ATP2B2: variants seen among roughly 807,000 people sequenced by gnomAD.
ATP2B2 encodes the protein plasma membrane calcium-transporting ATPase 2.
ATP2B2 carries 15 observed loss-of-function variants against 120.0 expected under a neutral mutation model. That is an observed-to-expected ratio of 0.12 (90% CI 0.08 to 0.19). The LOEUF (loss-of-function observed/expected upper bound fraction) is 0.19. Ranked by LOEUF, ATP2B2 falls within the 10% of genes least tolerant of loss-of-function variation. ATP2B2 has a pLI of 1.00. For synonymous variants in ATP2B2, 694 were observed against 700.3 expected, an observed-to-expected ratio of 0.99 and a Z score of 0.14; for missense variants, 1,045 against 1,719.8, an observed-to-expected ratio of 0.61 and a Z score of 6.94.
chr3:10,589,765 A>G (rs1360624147), intron 2 of ATP2B2, among the ~76,000 whole-genome samples: 3 of 152,200 alleles, frequency 2.0e-5, no homozygotes, highest in Non-Finnish European at 4.4e-5. Context: ...AGAACGAATA[A>G]ACACTGCCAA....
rs754211616 is a variant in ATP2B2 at position 10,388,304 on chromosome 3, C to T, written c.880G>A (p.Glu294Lys). ...IIFTLLGAGG[E>K]EEEKKDKKGV... The stretch of plus-strand genomic sequence containing the variant: ...TTTTTGTCTTTCTTCTCTTCCTCTT[C>T]ACCACCAGCCCCCAGGAGGGTAAAG... Residue 294 changes from glutamate (E) to lysine (K), a missense_variant, in exon 6 of 23, where the codon GAA (glutamate) becomes AAA (lysine). Physicochemically the swap from Glu to Lys is moderately conservative, Grantham distance 56. Coordinates refer to ENST00000360273, the MANE Select transcript of ATP2B2 (RefSeq NM_001001331.4). The T allele has an allele frequency of 1.9e-6, 3 of 1,614,226 alleles. No homozygotes were observed. Among genetic ancestry groups the T allele is most frequent in the East Asian group, 2.2e-5 (1 of 44,888 alleles).
At chr3:10,674,259 AAG>A (rs2071190921) in intron 1 of ATP2B2, among the ~76,000 whole-genome samples, 1 of 152,204 alleles carries the variant, frequency 6.6e-6, no homozygotes, top group Non-Finnish European at 1.5e-5. Context: ...ACTGACCTGG[AAG>A]AGAGCGTGTG....
intron 1 of ATP2B2, among the ~76,000 whole-genome samples, chr3:10,461,333 CAG>C (rs1227525032): frequency 6.6e-6 from 1 of 152,212 alleles, no homozygotes; most frequent in South Asian, 2.1e-4. Flanking sequence ...GTCTCCTTGG[CAG>C]AAAGCCAGAG....
chr3:10,379,126 G>C, intron 9 of ATP2B2, 117 bp downstream of exon 9: 1 of 1,236,182 alleles, frequency 8.1e-7, no homozygotes, highest in Non-Finnish European at 1.2e-6. Flanking sequence ...TCAGACACCT[G>C]TAGGAGTGGA....
At chr3:10,337,172 T>C (rs113343491) in intron 22 of ATP2B2, among the ~76,000 whole-genome samples, 7 of 152,252 alleles carry the variant, frequency 4.6e-5, no homozygotes, top group Non-Finnish European at 1.0e-4. Flanking sequence ...CACATCTACC[T>C]CCCAGGGCTG....
chr3:10,348,716 T>A (rs2125404591), intron 16 of ATP2B2, among the ~76,000 whole-genome samples: 1 of 152,374 alleles, frequency 6.6e-6, no homozygotes, highest in South Asian at 2.1e-4. Context: ...AGAGGCAGTG[T>A]TGGGTCCAGA....
At chr3:10,659,332 G>T (rs536245361) in intron 1 of ATP2B2, among the ~76,000 whole-genome samples, 1 of 152,324 alleles carries the variant, frequency 6.6e-6, no homozygotes, top group Non-Finnish European at 1.5e-5. Flanking sequence ...CCATCAGTGT[G>T]CTGTATTCAG....
chr3:10,554,577 G>A (rs766279272), intron 2 of ATP2B2, among the ~76,000 whole-genome samples: 18 of 152,186 alleles, frequency 1.2e-4, no homozygotes, highest in Non-Finnish European at 1.8e-4. Context: ...CTTCTCCCCC[G>A]CAGCCTCCAG....
At chr3:10,555,466 T>C (rs1168218019) in intron 2 of ATP2B2, among the ~76,000 whole-genome samples, 2 of 152,266 alleles carry the variant, frequency 1.3e-5, no homozygotes, top group Non-Finnish European at 2.9e-5. Context: ...AAGCCTTCCC[T>C]GACCTCCCTG....
Position 10,328,830 on chromosome 3 carries a change from A to G in ATP2B2, c.3716T>C (p.Leu1239Pro), listed in dbSNP as rs1454168225. 1 of 1,611,168 alleles carries G rather than the reference A, an allele frequency of 6.2e-7. No homozygotes were observed. Among genetic ancestry groups the G allele is most frequent in the African/African-American group, 1.3e-5 (1 of 74,908 alleles). The change falls in exon 23 of 23, where the codon CTG becomes CCG. Residue 1239 changes from leucine to proline, a missense_variant. Leu to Pro is a moderately conservative substitution (Grantham distance 98, BLOSUM62 -3). This residue lies in a region of ATP2B2 where 211 missense variants were observed against 385.1 expected (regional missense o/e 0.55). Coordinates refer to ENST00000360273, the MANE Select transcript of ATP2B2 (RefSeq NM_001001331.4). ...GGTCCTCAGCTAAAGCGACGTCTCC[A>G]GGCTGTGGATGGGGCTCCCTGGACT... ...SSSPGSPIHS[L>P]ETSL is the part of the protein sequence containing the mutation.
chr3:10,348,603 T>C (rs1381306566), intron 16 of ATP2B2, among the ~76,000 whole-genome samples: 1 of 152,178 alleles, frequency 6.6e-6, no homozygotes, highest in Non-Finnish European at 1.5e-5. Context: ...CTCTAGCCCT[T>C]TGCAGAGCAG....
chr3:10,663,967 G>A (rs2070857352), intron 1 of ATP2B2, among the ~76,000 whole-genome samples: 1 of 152,132 alleles, frequency 6.6e-6, no homozygotes, highest in Non-Finnish European at 1.5e-5. Context: ...GTTTAACAAT[G>A]ATGCCAACTA....
chr3:10,379,101 A>G, intron 9 of ATP2B2, 142 bp downstream of exon 9: 1 of 1,005,864 alleles, frequency 9.9e-7, no homozygotes, highest in Non-Finnish European at 1.5e-6. Context: ...AATCACAGCT[A>G]CACCCCCAAG....
intron 22 of ATP2B2, among the ~76,000 whole-genome samples, chr3:10,330,709 C>G (rs947654334): frequency 2.0e-5 from 3 of 152,212 alleles, no homozygotes; most frequent in African/African-American, 7.2e-5. Context: ...GACTTGAGCT[C>G]TCAGCGGAAC....
At chr3:10,581,504 G>A (rs1361692755) in intron 2 of ATP2B2, among the ~76,000 whole-genome samples, 6 of 152,196 alleles carry the variant, frequency 3.9e-5, no homozygotes, top group Admixed American at 3.9e-4. Flanking sequence ...ATGAGGAACT[G>A]CAGAAAGACT....
chr3:10,623,608 C>T (rs889840359), intron 1 of ATP2B2, among the ~76,000 whole-genome samples: 2 of 152,212 alleles, frequency 1.3e-5, no homozygotes, highest in Non-Finnish European at 2.9e-5. Context: ...GGACTAATCT[C>T]CTTGGGCGGA....
chr3:10,461,947 TG>T, intron 1 of ATP2B2, among the ~76,000 whole-genome samples: 1 of 152,164 alleles, frequency 6.6e-6, no homozygotes, highest in East Asian at 1.9e-4. Context: ...CCACGGCTGA[TG>T]GCACCTCCCT....
At chr3:10,429,162 G>A (rs569187156) in intron 2 of ATP2B2, among the ~76,000 whole-genome samples, 31 of 152,132 alleles carry the variant, frequency 2.0e-4, no homozygotes, top group Non-Finnish European at 3.7e-4. Flanking sequence ...CTCTGTCTCC[G>A]GATCCCAGGC....
chr3:10,412,397 G>C (rs73814219), intron 2 of ATP2B2, among the ~76,000 whole-genome samples: 3 of 152,084 alleles, frequency 2.0e-5, no homozygotes, highest in African/African-American at 7.3e-5. Context: ...CTCAGAGGCC[G>C]GTGCTTCTCC....
Sources: gnomAD v4.1 joint callset for allele counts (sites outside exome capture counted in the v4.1 genomes callset) on GRCh38, gnomAD v4.1.1 for gene constraint, gnomAD v4.1.1 regional missense constraint, MANE v1.5 for transcripts, NCBI Gene and HGNC (gene_info 2026-07-23, HGNC 2026-07-21) for gene names.